MAML2: variants seen among roughly 807,000 people sequenced by gnomAD.
MAML2 encodes mastermind-like protein 2.
MAML2 carries 22 observed loss-of-function variants against 96.1 expected under a neutral mutation model. That is an observed-to-expected ratio of 0.23 (90% CI 0.16 to 0.33). The LOEUF (loss-of-function observed/expected upper bound fraction) is 0.33. Among genes scored for constraint, MAML2 ranks in the 10% least tolerant of loss-of-function variants. The pLI is 1.00. For synonymous variants in MAML2, 561 were observed against 521.3 expected (o/e 1.08, Z -1.04); for missense variants, 1,367 against 1,392.4 (o/e 0.98, Z 0.29).
intron 1 of MAML2, among the ~76,000 whole-genome samples, chr11:96,175,086 C>T (rs935882082): frequency 5.9e-5 from 9 of 152,236 alleles, no homozygotes; most frequent in African/African-American, 1.9e-4. Context: ...ATGGCCCAAA[C>T]TCCTGGGGCT....
At chr11:96,083,496 C>A (rs1859559711) in intron 2 of MAML2, among the ~76,000 whole-genome samples, 1 of 152,144 alleles carries the variant, frequency 6.6e-6, no homozygotes, top group Admixed American at 6.5e-5. Flanking sequence ...AGGGAATTCT[C>A]TGCTTTCCAG....
intron 1 of MAML2, among the ~76,000 whole-genome samples, chr11:96,112,046 T>C (rs1484545974): frequency 6.6e-6 from 1 of 152,142 alleles, no homozygotes; most frequent in Non-Finnish European, 1.5e-5. Flanking sequence ...AGCAGATCCT[T>C]GTGCCACGTG....
At chr11:96,120,901 T>C (rs10741529) in intron 1 of MAML2, among the ~76,000 whole-genome samples, 140,503 of 151,998 alleles carry the variant, frequency 0.92, 64,979 homozygotes, top group East Asian at 0.97. Flanking sequence ...ACAAAGATCC[T>C]CATGTTTCCT....
chr11:96,314,701 C>A (rs1226907457), intron 1 of MAML2, among the ~76,000 whole-genome samples: 1 of 152,242 alleles, frequency 6.6e-6, no homozygotes, highest in Non-Finnish European at 1.5e-5. Context: ...AGCCCTGAGT[C>A]AACTACTGTT....
rs550768830 is a variant in MAML2, at chr11:96,092,903, G to T, written c.1128C>A (p.Pro376=). The T allele has an allele frequency of 1.6e-5, 25 of 1,605,284 alleles. No individual in the cohort carries two copies. Among genetic ancestry groups the T allele is most frequent in the Middle Eastern group, 3.3e-4 (2 of 6,026 alleles). Residue 376 remains proline (P), a synonymous_variant, in exon 2 of 5, where the codon CCC becomes CCA. Transcript: ENST00000524717. The surrounding 1 kb of genome is among the most constrained non-coding windows in gnomAD (Gnocchi z 4.1). ...GGGGCCTCAGCTGAGGAGAGCCTGA[G>T]GGGCCCTGAGTCAAGCCCGGTGAGT... ...SEYSPGLTQG[P]SGSPQLRPPS... is the part of the protein sequence containing the mutation.
intron 1 of MAML2, among the ~76,000 whole-genome samples, chr11:96,106,979 C>CTTTTTTT (rs1565216574): frequency 1.3e-4 from 1 of 7,490 alleles, no homozygotes; most frequent in African/African-American, 2.4e-4. Context: ...TGAAAAGAGT[C>CTTTTTTT]CTTTTTTTTT....
chr11:96,084,640 G>T (rs1489934220), intron 2 of MAML2, among the ~76,000 whole-genome samples: 2 of 152,186 alleles, frequency 1.3e-5, no homozygotes, highest in South Asian at 4.1e-4. Flanking sequence ...GGGCAAAGAG[G>T]CTGGTTCAAA....
chr11:96,133,649 A>C (rs1860580350), intron 1 of MAML2, among the ~76,000 whole-genome samples: 1 of 152,234 alleles, frequency 6.6e-6, no homozygotes, highest in Admixed American at 6.5e-5. Flanking sequence ...TCAGATGAGG[A>C]GTATGAGAAT....
In MAML2 at chr11:95,979,708, T is replaced by C. The variant is rs767723144; in HGVS notation, c.2711A>G (p.Asn904Ser). The C allele has an allele frequency of 6.2e-7, 1 of 1,614,004 alleles. No individual in the cohort carries two copies. Reference sequence around the variant, plus strand: ...AGGTGGCCGTGGCATCATAGGGTTGTTTTGATTTGCTAACAATTGCTTTGG... The same window carrying C: ...AGGTGGCCGTGGCATCATAGGGTTGCTTTGATTTGCTAACAATTGCTTTGG... The part of the protein sequence containing the change: ...RNPKQLLANQ[N>S]NPMMPRPPTL... The change falls in exon 5 of 5, where the codon AAC (asparagine) becomes AGC (serine). Residue 904 changes from asparagine to serine, a missense_variant. By Grantham distance (46) the Asn-to-Ser change is conservative (BLOSUM62 1). Coordinates refer to ENST00000524717, the MANE Select transcript of MAML2 (RefSeq NM_032427.4).
At chr11:96,145,176 T>C (rs1033906763) in intron 1 of MAML2, among the ~76,000 whole-genome samples, 18 of 152,336 alleles carry the variant, frequency 1.2e-4, no homozygotes, top group Admixed American at 1.1e-3. Context: ...AGAGGTGGCA[T>C]GCTTTATTTA....
chr11:96,340,726 C>G (rs547284525), intron 1 of MAML2, among the ~76,000 whole-genome samples: 22 of 152,180 alleles, frequency 1.4e-4, no homozygotes, highest in African/African-American at 5.3e-4. Context: ...GGAAAATAAT[C>G]GAGATGTGGC....
chr11:96,143,834 G>A (rs1423738243), intron 1 of MAML2, among the ~76,000 whole-genome samples: 1 of 152,172 alleles, frequency 6.6e-6, no homozygotes, highest in Admixed American at 6.5e-5. Flanking sequence ...GGATTTCATG[G>A]GAAAATCTGT....
chr11:96,028,401 C>G (rs1858558315), intron 2 of MAML2, among the ~76,000 whole-genome samples: 1 of 152,170 alleles, frequency 6.6e-6, no homozygotes, highest in South Asian at 2.1e-4. Context: ...CCTGGGAGGC[C>G]TCCTCGACCC....
At chr11:96,094,268 A>G (rs969917559) in intron 1 of MAML2, among the ~76,000 whole-genome samples, 1 of 152,218 alleles carries the variant, frequency 6.6e-6, no homozygotes, top group Non-Finnish European at 1.5e-5. Context: ...CGAAAGTGTT[A>G]ATTGCTTAGG....
chr11:96,153,902 A>G (rs944642292), intron 1 of MAML2, among the ~76,000 whole-genome samples: 1 of 148,992 alleles, frequency 6.7e-6, no homozygotes, highest in Admixed American at 6.7e-5. Flanking sequence ...ACAGAGCAAG[A>G]CTCCGTCTCA....
intron 1 of MAML2, among the ~76,000 whole-genome samples, chr11:96,236,162 C>T (rs1862364433): frequency 6.6e-6 from 1 of 152,168 alleles, no homozygotes; most frequent in Non-Finnish European, 1.5e-5. Context: ...ACTTCTGTGC[C>T]ACTGGCATAT....
intron 2 of MAML2, among the ~76,000 whole-genome samples, chr11:96,021,389 G>A (rs669496): frequency 0.82 from 124,050 of 152,190 alleles, 50,600 homozygotes; most frequent in East Asian, 0.96. Context: ...TAGAGGGGGA[G>A]GATACGAATC....
chr11:96,140,958 A>G (rs1860721010), intron 1 of MAML2, among the ~76,000 whole-genome samples: 1 of 152,222 alleles, frequency 6.6e-6, no homozygotes, highest in Admixed American at 6.5e-5. Flanking sequence ...GCCAGATGTA[A>G]TAAGTAAACA....
intron 1 of MAML2, among the ~76,000 whole-genome samples, chr11:96,201,904 G>A (rs1192815419): frequency 6.7e-6 from 1 of 149,634 alleles, no homozygotes; most frequent in Non-Finnish European, 1.5e-5. Context: ...GAGCGACAGA[G>A]AGAGACTCCA....
Sources: gnomAD v4.1 joint callset for allele counts (sites outside exome capture counted in the v4.1 genomes callset) on GRCh38, gnomAD v4.1.1 for gene constraint, Gnocchi (gnomAD v3.1) non-coding constraint, MANE v1.5 for transcripts, NCBI Gene and HGNC (gene_info 2026-07-23, HGNC 2026-07-21) for gene names.